Variants in PDE4D observed in about 807,000 individuals in gnomAD.
PDE4D encodes the protein phosphodiesterase 4D, also known as 3',5'-cyclic-AMP phosphodiesterase 4D.
In PDE4D, 24 loss-of-function variants were observed where a neutral mutation model predicts 87.4. The observed-to-expected ratio is 0.27, with a 90% CI of 0.20 to 0.39. The LOEUF (loss-of-function observed/expected upper bound fraction) is 0.39. Ranked by LOEUF, PDE4D falls within the 10% of genes least tolerant of loss-of-function variation. The pLI, the probability that PDE4D is intolerant of heterozygous loss-of-function variation, is 1.00. For synonymous variants in PDE4D, 384 were observed against 383.2 expected, an observed-to-expected ratio of 1.00 and a Z score of -0.02; for missense variants, 714 against 1,041.0, an observed-to-expected ratio of 0.69 and a Z score of 4.32.
chr5:59,127,600 T>TCCCCCCCCCCCCACCC (rs1170462233), intron 5 of PDE4D, among the ~76,000 whole-genome samples: 2 of 97,002 alleles, frequency 2.1e-5, no homozygotes, highest in African/African-American at 4.0e-5. Context: ...CTTCTTTCCC[T>TCCCCCCCCCCCCACCC]CCCCACCCCC....
intron 1 of PDE4D, among the ~76,000 whole-genome samples, chr5:59,419,866 C>T (rs113409754): frequency 0.013 from 1,937 of 152,212 alleles, 13 homozygotes; most frequent in Non-Finnish European, 0.021. Flanking sequence ...TCACTTTTAC[C>T]GTGGAGAACC....
At chr5:59,872,156 C>T (rs1747898933) in intron 1 of PDE4D, among the ~76,000 whole-genome samples, 1 of 151,986 alleles carries the variant, frequency 6.6e-6, no homozygotes, top group Admixed American at 6.6e-5. Context: ...GATCAGATAA[C>T]AGACATGCCT....
chr5:59,803,714 T>C lies in PDE4D; in HGVS notation c.455+89454A>G, dbSNP rs575608334. On this transcript the variant is annotated intron_variant, in intron 1 of 14. Transcript: ENST00000340635. ...GTTTTCTTGAAAATAAACAAATACA[T>C]GAAATTGGCCATTTTATCATCAACA... Among the ~76,000 whole-genome samples the C allele has an allele frequency of 1.4e-3, 215 of 152,246 alleles. 1 individual carries two copies. The highest frequency in any genetic ancestry group is 4.6e-3 in the African/African-American group (192 of 41,534).
chr5:60,103,460 T>C (rs1313901493), intron 2 of PDE4D, among the ~76,000 whole-genome samples: 1 of 152,162 alleles, frequency 6.6e-6, no homozygotes, highest in African/African-American at 2.4e-5. Context: ...CATATATTAC[T>C]AGCATATGGT....
At chr5:59,112,193 G>A (rs1044431173) in intron 5 of PDE4D, among the ~76,000 whole-genome samples, 4 of 152,098 alleles carry the variant, frequency 2.6e-5, no homozygotes, top group Non-Finnish European at 5.9e-5. Context: ...GCAGCACCAA[G>A]GTCTTAAAAT....
intron 5 of PDE4D, among the ~76,000 whole-genome samples, chr5:59,121,883 C>T (rs555289693): frequency 6.6e-6 from 1 of 152,182 alleles, no homozygotes; most frequent in Admixed American, 6.5e-5. Flanking sequence ...GTGGCTTATG[C>T]CTGCAATCCC....
At chr5:59,037,051 G>C (rs528614183) in intron 6 of PDE4D, among the ~76,000 whole-genome samples, 1 of 151,972 alleles carries the variant, frequency 6.6e-6, no homozygotes, top group South Asian at 2.1e-4. Flanking sequence ...TAAAAGAAAG[G>C]AATCATTTTA....
Position 58,988,515 on chromosome 5 carries a change from G to T in PDE4D, c.1530C>A (p.Ser510=). The T allele has an allele frequency of 6.8e-7, 1 of 1,474,756 alleles. No homozygotes were observed. The highest frequency in any genetic ancestry group is 1.4e-5 in the South Asian group (1 of 72,390). 91.4% of individuals were successfully genotyped at this position (1,474,756 alleles called of 1,614,324 possible). The change falls in exon 11 of 15, where the codon TCC becomes TCA. Residue 510 remains serine (S), a synonymous_variant. Transcript: ENST00000340635. The stretch of plus-strand genomic sequence containing the variant: ...TACTTGTATTGATCAGAAATTGATT[G>T]GACACACCAGGATGATCTACATCAT... ...AIHDVDHPGV[S]NQFLINTNSE...
At chr5:59,887,323 A>G (rs1298591407) in intron 1 of PDE4D, among the ~76,000 whole-genome samples, 1 of 152,218 alleles carries the variant, frequency 6.6e-6, no homozygotes, top group East Asian at 1.9e-4. Context: ...TTAAACAATA[A>G]GGTAAAGTGG....
intron 2 of PDE4D, among the ~76,000 whole-genome samples, chr5:60,024,093 C>T (rs1313815642): frequency 6.6e-6 from 1 of 151,962 alleles, no homozygotes; most frequent in Non-Finnish European, 1.5e-5. Context: ...TATACTACTA[C>T]CTAGATGGAT....
intron 2 of PDE4D, among the ~76,000 whole-genome samples, chr5:59,209,045 G>A (rs559713272): frequency 2.0e-5 from 3 of 152,070 alleles, no homozygotes; most frequent in Non-Finnish European, 4.4e-5. Context: ...TTGGCTACCT[G>A]GGATCCTAAC....
intron 5 of PDE4D, among the ~76,000 whole-genome samples, chr5:59,041,038 C>T (rs1759595061): frequency 6.6e-6 from 1 of 152,066 alleles, no homozygotes; most frequent in Non-Finnish European, 1.5e-5. Flanking sequence ...AAATTTGCCT[C>T]TTTTTTGTTC....
At chr5:60,097,797 C>G (rs975455890) in intron 2 of PDE4D, among the ~76,000 whole-genome samples, 2 of 151,622 alleles carry the variant, frequency 1.3e-5, no homozygotes, top group Non-Finnish European at 3.0e-5. Flanking sequence ...ATTAGAAAAT[C>G]CAATAATACA....
At chr5:59,334,753 G>T (rs1777375608) in intron 1 of PDE4D, among the ~76,000 whole-genome samples, 1 of 151,544 alleles carries the variant, frequency 6.6e-6, no homozygotes, top group Non-Finnish European at 1.5e-5. Flanking sequence ...ACTTGAAGCG[G>T]GTCTTCTCCT....
intron 1 of PDE4D, among the ~76,000 whole-genome samples, chr5:59,715,885 G>A (rs543857386): frequency 1.4e-4 from 22 of 152,300 alleles, no homozygotes; most frequent in African/African-American, 5.1e-4. Flanking sequence ...TTACTGCTGT[G>A]GCCTCTGGGT....
intron 2 of PDE4D, among the ~76,000 whole-genome samples, chr5:60,052,237 C>T (rs1012600171): frequency 2.7e-5 from 4 of 146,250 alleles, no homozygotes; most frequent in East Asian, 2.0e-4. Flanking sequence ...GACACAACAA[C>T]GAAAAAATTT....
chr5:59,662,251 G>C (rs1478464006), intron 1 of PDE4D, among the ~76,000 whole-genome samples: 1 of 152,152 alleles, frequency 6.6e-6, no homozygotes, highest in African/African-American at 2.4e-5. Context: ...ACTTTGGCTG[G>C]AAAGAAACTC....
chr5:60,471,672 G>A (rs1379327017), intron 1 of PDE4D, among the ~76,000 whole-genome samples: 1 of 152,142 alleles, frequency 6.6e-6, no homozygotes, highest in African/African-American at 2.4e-5. Context: ...ATTACAACTT[G>A]CTGCAGGCTC....
intron 1 of PDE4D, among the ~76,000 whole-genome samples, chr5:59,477,862 T>C (rs1489965153): frequency 1.3e-5 from 2 of 151,910 alleles, no homozygotes; most frequent in Admixed American, 6.6e-5. Context: ...TATGCAGCCA[T>C]AAAAAAGAGC....
Sources: allele counts gnomAD v4.1 joint callset (sites outside exome capture counted in the v4.1 genomes callset), GRCh38; gene constraint gnomAD v4.1.1; transcripts MANE v1.5; gene names NCBI Gene and HGNC (gene_info 2026-07-23, HGNC 2026-07-21).